The following MED15 variants were observed in gnomAD, a reference collection of about 807,000 sequenced individuals.
MED15 encodes mediator of RNA polymerase II transcription subunit 15.
MED15 carries 41 observed loss-of-function variants against 118.7 expected under a neutral mutation model. The observed-to-expected ratio is 0.35, with a 90% CI of 0.27 to 0.45. The LOEUF (loss-of-function observed/expected upper bound fraction) is 0.45. MED15 is among the 20% of genes least tolerant of loss of function. The pLI is 1.00. For synonymous variants in MED15, 436 were observed against 413.9 expected (o/e 1.05, Z -0.65); for missense variants, 740 against 1,025.5 (o/e 0.72, Z 3.80).
At chr22:20,547,856 G>A (rs2146499415) in intron 2 of MED15, among the ~76,000 whole-genome samples, 1 of 151,802 alleles carries the variant, frequency 6.6e-6, no homozygotes, top group East Asian at 1.9e-4. Flanking sequence ...TAAATTAGCT[G>A]GACATGGTAC....
chr22:20,546,375 A>G (rs1219830437), intron 2 of MED15, among the ~76,000 whole-genome samples: 2 of 152,204 alleles, frequency 1.3e-5, no homozygotes, highest in Admixed American at 1.3e-4. Flanking sequence ...TAAGACCACA[A>G]TTTGGAGGTT....
At chr22:20,538,741 C>T (rs551419482) in intron 2 of MED15, among the ~76,000 whole-genome samples, 1 of 151,944 alleles carries the variant, frequency 6.6e-6, no homozygotes, top group Non-Finnish European at 1.5e-5. Context: ...CCTCTTGTGC[C>T]CAGGTTGGAG....
Position 20,583,109 on chromosome 22 carries a change from G to A in MED15, c.1538-4G>A. 6.3e-7 allele frequency: 1 copy of A among 1,587,406 alleles called. No individual in the cohort carries two copies. On this transcript the variant is annotated splice_region_variant and splice_polypyrimidine_tract_variant and intron_variant, in intron 11 of 17. Transcript: ENST00000263205. ...CTGTGGCCTCACCCGCCTGTGTCCTGCAGTGAACCCCAGCTCTGTCATGAG... is the reference window on the plus strand; with the variant it reads ...CTGTGGCCTCACCCGCCTGTGTCCTACAGTGAACCCCAGCTCTGTCATGAG...
At chr22:20,560,397 TG>T (rs1483614151) in intron 5 of MED15, among the ~76,000 whole-genome samples, 2 of 152,110 alleles carry the variant, frequency 1.3e-5, no homozygotes, top group Non-Finnish European at 2.9e-5. Flanking sequence ...CCCAAGTAGC[TG>T]GGACTACAGG....
chr22:20,580,090 CGTTT>C (rs1313184054), intron 9 of MED15, among the ~76,000 whole-genome samples: 1 of 152,096 alleles, frequency 6.6e-6, no homozygotes, highest in African/African-American at 2.4e-5. Context: ...GGGTGCCCCT[CGTTT>C]GTTTTTCTTC....
At chr22:20,552,944 A>T (rs894909804) in intron 3 of MED15, among the ~76,000 whole-genome samples, 2 of 151,950 alleles carry the variant, frequency 1.3e-5, no homozygotes, top group African/African-American at 4.8e-5. Context: ...CCCTGGAGCT[A>T]CTCTGCACCC....
intron 9 of MED15, among the ~76,000 whole-genome samples, chr22:20,579,281 G>A (rs748378364): frequency 1.3e-5 from 2 of 152,198 alleles, no homozygotes; most frequent in Admixed American, 6.5e-5. Context: ...CATCCCAGGT[G>A]CTGGACTTGG....
chr22:20,563,762 G>T (rs930317392), intron 5 of MED15, among the ~76,000 whole-genome samples: 1 of 152,208 alleles, frequency 6.6e-6, no homozygotes, highest in African/African-American at 2.4e-5. Flanking sequence ...CAGCTTTATT[G>T]AGACATAATT....
At chr22:20,540,230 A>G (rs777171989) in intron 2 of MED15, among the ~76,000 whole-genome samples, 7 of 152,130 alleles carry the variant, frequency 4.6e-5, no homozygotes, top group Non-Finnish European at 7.3e-5. Context: ...AAGGTTTTTG[A>G]CAGATTAGGG....
At chr22:20,552,799 A>G in intron 3 of MED15, 1 of 305,648 alleles carries the variant, frequency 3.3e-6, no homozygotes, top group Non-Finnish European at 6.3e-6. Context: ...GGGTTCCTGT[A>G]GTGTTCTATT....
intron 2 of MED15, among the ~76,000 whole-genome samples, chr22:20,540,058 C>G (rs1010789548): frequency 2.0e-5 from 3 of 151,970 alleles, no homozygotes; most frequent in Non-Finnish European, 4.4e-5. Context: ...CAGTCTCGCT[C>G]TGTCGGCCAG....
chr22:20,531,571 C>T (rs2054864312), intron 1 of MED15, among the ~76,000 whole-genome samples: 1 of 152,250 alleles, frequency 6.6e-6, no homozygotes, highest in South Asian at 2.1e-4. Context: ...GGCACCCTGG[C>T]CTCCACTGCC....
chr22:20,566,955 C>G, intron 7 of MED15, 138 bp downstream of exon 7: 1 of 1,455,494 alleles, frequency 6.9e-7, no homozygotes, highest in Non-Finnish European at 9.2e-7. Flanking sequence ...CCTTGCCAGC[C>G]CTGCCGACTC....
intron 13 of MED15, chr22:20,584,068 T>G: frequency 2.1e-6 from 1 of 474,752 alleles, no homozygotes; most frequent in Non-Finnish European, 3.8e-6. Flanking sequence ...GTTATAGGGA[T>G]GAGTGGGGCA....
At chr22:20,552,762 G>C in intron 3 of MED15, 1 of 280,946 alleles carries the variant, frequency 3.6e-6, no homozygotes, top group Non-Finnish European at 7.1e-6. Flanking sequence ...GCAGTGTCAA[G>C]TCTTGGCACC....
At chr22:20,581,445 C>T (rs1016766230) in intron 9 of MED15, among the ~76,000 whole-genome samples, 5 of 151,850 alleles carry the variant, frequency 3.3e-5, no homozygotes, top group Non-Finnish European at 4.4e-5. Context: ...CCGAGACAGG[C>T]GTTCATGGCC....
Position 20,585,174 on chromosome 22 carries a change from G to C in MED15, c.2038G>C (p.Gly680Arg), listed in dbSNP as rs767573440. 1.2e-6 allele frequency: 2 copies of C among 1,613,798 alleles called. No individual in the cohort carries two copies. Among genetic ancestry groups the C allele is most frequent in the Non-Finnish European group, 1.7e-6 (2 of 1,180,010 alleles). The change falls in exon 16 of 18, where the codon GGT becomes CGT. Residue 680 changes from glycine (G) to arginine (R), a missense_variant. Gly to Arg is a moderately radical substitution (Grantham distance 125). This residue lies in a region of MED15 where 179 missense variants were observed against 259.0 expected (regional missense o/e 0.69). Coordinates refer to ENST00000263205, the MANE Select transcript of MED15 (RefSeq NM_001003891.3). ...GCAGAGCATCCCCAGTGTGCTCCAG[G>C]GTGAGGTGGCCAGGCTGGACCCCAA... Reference protein sequence around the residue: ...ERQSIPSVLQGEVARLDPKFL... With the variant: ...ERQSIPSVLQREVARLDPKFL...
intron 1 of MED15, among the ~76,000 whole-genome samples, chr22:20,529,641 T>C (rs1158674983): frequency 6.6e-6 from 1 of 150,834 alleles, no homozygotes; most frequent in Non-Finnish European, 1.5e-5. Flanking sequence ...CTCTTGTTGC[T>C]CAGGCTGGAG....
chr22:20,575,682 G>A (rs1202463302), intron 9 of MED15, among the ~76,000 whole-genome samples: 1 of 151,250 alleles, frequency 6.6e-6, no homozygotes, highest in Non-Finnish European at 1.5e-5. Context: ...GACCAGCCTG[G>A]TTCACATAGC....
Sources: allele counts gnomAD v4.1 joint callset (sites outside exome capture counted in the v4.1 genomes callset), GRCh38; gene constraint gnomAD v4.1.1; regional missense constraint gnomAD v4.1.1; transcripts MANE v1.5; gene names NCBI Gene and HGNC (gene_info 2026-07-23, HGNC 2026-07-21).